The following GJB7 variants were observed in gnomAD, a reference collection of about 807,000 sequenced individuals.
GJB7 encodes gap junction beta-7 protein.
For missense variants in GJB7, 253 were observed against 256.8 expected (o/e 0.99, Z 0.10); for synonymous variants, 87 against 95.2 (o/e 0.91, Z 0.50).
chr6:87,317,007 A>G (rs1776593252), intron 2 of GJB7, among the ~76,000 whole-genome samples: 1 of 151,914 alleles, frequency 6.6e-6, no homozygotes, highest in African/African-American at 2.4e-5. Flanking sequence ...TATCCAGGCC[A>G]AACAACATAT....
intron 2 of GJB7, among the ~76,000 whole-genome samples, chr6:87,298,568 C>T (rs756395622): frequency 6.6e-6 from 1 of 152,188 alleles, no homozygotes; most frequent in African/African-American, 2.4e-5. Flanking sequence ...TATGTTCCTA[C>T]TCTGTGTCTC....
chr6:87,298,767 C>G (rs1776280906), intron 2 of GJB7: 2 of 240,050 alleles, frequency 8.3e-6, no homozygotes, highest in African/African-American at 2.3e-5. Flanking sequence ...TGCCATCCGA[C>G]AGAAATGCTT....
At chr6:87,288,007 A>T (rs1295190438) in intron 2 of GJB7, among the ~76,000 whole-genome samples, 1 of 152,132 alleles carries the variant, frequency 6.6e-6, no homozygotes, top group Non-Finnish European at 1.5e-5. Flanking sequence ...GGTTCAAGCG[A>T]TTCTCCTGCC....
At chr6:87,291,122 A>G (rs951994385) in intron 2 of GJB7, among the ~76,000 whole-genome samples, 5 of 152,162 alleles carry the variant, frequency 3.3e-5, no homozygotes, top group African/African-American at 9.7e-5. Flanking sequence ...TCAGGCTTCT[A>G]TAGTCAGTAG....
chr6:87,303,606 C>T (rs1179785737), intron 2 of GJB7, among the ~76,000 whole-genome samples: 1 of 152,072 alleles, frequency 6.6e-6, no homozygotes, highest in Non-Finnish European at 1.5e-5. Flanking sequence ...GTCAATATTA[C>T]ACAGATCAAT....
intron 1 of GJB7, among the ~76,000 whole-genome samples, chr6:87,328,180 C>T (rs1776882145): frequency 6.6e-6 from 1 of 152,180 alleles, no homozygotes; most frequent in Non-Finnish European, 1.5e-5. Flanking sequence ...AAGTTTTCAA[C>T]TTCTTTGCCT....
At chr6:87,316,623 T>A (rs1425597662) in intron 2 of GJB7, among the ~76,000 whole-genome samples, 1 of 152,220 alleles carries the variant, frequency 6.6e-6, no homozygotes, top group Non-Finnish European at 1.5e-5. Context: ...GGGGCATTAA[T>A]CTTCTTAATC....
At chr6:87,327,167 A>C (rs972227368) in intron 1 of GJB7, among the ~76,000 whole-genome samples, 3 of 150,218 alleles carry the variant, frequency 2.0e-5, no homozygotes, top group Admixed American at 6.6e-5. Context: ...GTGTCTCTGC[A>C]CGTGAGATGG....
intron 2 of GJB7, among the ~76,000 whole-genome samples, chr6:87,317,656 C>T (rs549682263): frequency 2.0e-5 from 3 of 152,236 alleles, no homozygotes; most frequent in Non-Finnish European, 4.4e-5. Context: ...GTCTTGAACT[C>T]CTGACCTCAG....
At chr6:87,293,532 C>T (rs189942476) in intron 2 of GJB7, among the ~76,000 whole-genome samples, 4 of 152,122 alleles carry the variant, frequency 2.6e-5, no homozygotes, top group East Asian at 1.9e-4. Flanking sequence ...GGGTTTCCAT[C>T]GTGATAAGAT....
intron 2 of GJB7, among the ~76,000 whole-genome samples, chr6:87,321,249 T>C (rs543332749): frequency 6.0e-5 from 9 of 149,142 alleles, no homozygotes; most frequent in Non-Finnish European, 1.3e-4. Context: ...AAAAAAGATC[T>C]AGTAAGGGAA....
At chr6:87,301,323 T>C (rs561190838) in intron 2 of GJB7, among the ~76,000 whole-genome samples, 9 of 152,246 alleles carry the variant, frequency 5.9e-5, no homozygotes, top group Non-Finnish European at 1.2e-4. Flanking sequence ...ATCGGGTCAC[T>C]CCCAGCCTAA....
intron 2 of GJB7, among the ~76,000 whole-genome samples, chr6:87,302,019 C>A (rs425020): frequency 0.37 from 56,409 of 152,102 alleles, 12,072 homozygotes; most frequent in Non-Finnish European, 0.48. Context: ...CACACCAAAA[C>A]CCCATCTGTA....
At chr6:87,302,679 G>A (rs975207114) in intron 2 of GJB7, among the ~76,000 whole-genome samples, 5 of 152,148 alleles carry the variant, frequency 3.3e-5, no homozygotes, top group Admixed American at 3.3e-4. Context: ...TACAGAGAAT[G>A]CCACAAAGAT....
At chr6:87,306,660 C>G (rs1776433120) in intron 2 of GJB7, among the ~76,000 whole-genome samples, 1 of 152,012 alleles carries the variant, frequency 6.6e-6, no homozygotes, top group Admixed American at 6.6e-5. Context: ...TTTGACCCAG[C>G]CATCCCATTA....
At chr6:87,313,247 A>ATC (rs1020099466) in intron 2 of GJB7, among the ~76,000 whole-genome samples, 1 of 152,248 alleles carries the variant, frequency 6.6e-6, no homozygotes, top group Non-Finnish European at 1.5e-5. Context: ...ATAAAAAGAT[A>ATC]GACAAAAATA....
chr6:87,312,824 G>A (rs570209294), intron 2 of GJB7, among the ~76,000 whole-genome samples: 1 of 152,292 alleles, frequency 6.6e-6, no homozygotes, highest in South Asian at 2.1e-4. Flanking sequence ...TCTTCAGGAA[G>A]AAAACGTGTA....
rs75854176 is a variant in GJB7, at chr6:87,287,436, C to T, written c.-27-2497G>A. Among the ~76,000 whole-genome samples the T allele has an allele frequency of 3.3e-3, 499 of 152,284 alleles. 2 individuals are homozygous for T. The highest frequency in any genetic ancestry group is 0.012 in the African/African-American group (481 of 41,550). ...AGCAATATAGAGCAAGCCCACATTC[C>T]AGAGCCCTGAGAAGGCAAATGAAGG... On this transcript the variant is annotated intron_variant, in intron 2 of 2. Coordinates refer to ENST00000525899, the MANE Select transcript of GJB7 (RefSeq NM_198568.3).
chr6:87,298,760 C>T, intron 2 of GJB7: 1 of 233,494 alleles, frequency 4.3e-6, no homozygotes. Flanking sequence ...GCCTCGCTGC[C>T]ATCCGACAGA....
Sources: allele counts gnomAD v4.1 joint callset (sites outside exome capture counted in the v4.1 genomes callset), GRCh38; gene constraint gnomAD v4.1.1; transcripts MANE v1.5; gene names NCBI Gene and HGNC (gene_info 2026-07-23, HGNC 2026-07-21).